Variants in LILRA1 observed in about 807,000 individuals in gnomAD.
LILRA1 encodes the protein leukocyte immunoglobulin-like receptor subfamily A member 1.
Under a neutral mutation model 51.6 loss-of-function variants are expected in LILRA1, and 51 were observed. That is an observed-to-expected ratio of 0.99 (90% confidence interval 0.79 to 1.25). The LOEUF (loss-of-function observed/expected upper bound fraction) is 1.25. Among genes scored for constraint, LILRA1 ranks in the 50% most tolerant of loss-of-function variants. LILRA1 has a pLI of 0.00. For missense variants in LILRA1, 660 were observed against 611.7 expected (o/e 1.08, Z -0.83); for synonymous variants, 305 against 248.4 (o/e 1.23, Z -2.14).
At chr19:54,594,136 T>C in intron 1 of LILRA1, 61 bp from the exon 2 acceptor site, 1 of 1,491,814 alleles carries the variant, frequency 6.7e-7, no homozygotes, top group South Asian at 1.2e-5. Flanking sequence ...AGCCTCCGAG[T>C]GTCCACACTG....
intron 5 of LILRA1, 86 bp from the exon 6 acceptor site, chr19:54,595,553 A>C: frequency 6.5e-7 from 1 of 1,548,898 alleles, no homozygotes; most frequent in Non-Finnish European, 8.7e-7. Flanking sequence ...CAGGAAGATC[A>C]GCAGTGGTGA....
chr19:54,594,469 G>T lies in LILRA1; in HGVS notation c.63G>T (p.Val21=). The change falls in exon 3 of 10, where the codon GTG becomes GTT. Residue 21 remains valine (V), a synonymous_variant. Transcript: ENST00000251372. ...TGAGTCTGGGCCCCCGGACCCACGTGCAGGCAGGTGAGTCTGTCCCCAGCT... is the reference window on the plus strand; with the variant it reads ...TGAGTCTGGGCCCCCGGACCCACGTTCAGGCAGGTGAGTCTGTCCCCAGCT... ...LRLSLGPRTH[V]QAGTLPKPTL... 6.2e-7 allele frequency: 1 copy of T among 1,614,130 alleles called. No homozygotes were observed. The highest frequency in any genetic ancestry group is 8.5e-7 in the Non-Finnish European group (1 of 1,180,020).
At chr19:54,598,150 T>C (rs368743562) in intron 7 of LILRA1, among the ~76,000 whole-genome samples, 2 of 152,002 alleles carry the variant, frequency 1.3e-5, no homozygotes, top group East Asian at 3.9e-4. Flanking sequence ...CTACACTGTA[T>C]TTTCTGTACG....
At chr19:54,594,611 T>C in intron 3 of LILRA1, 54 bp from the exon 4 acceptor site, 2 of 1,599,140 alleles carry the variant, frequency 1.3e-6, no homozygotes, top group Non-Finnish European at 1.7e-6. Flanking sequence ...GGCTGAGAGC[T>C]GAGATATGTT....
chr19:54,596,895 T>C (rs975377781), intron 7 of LILRA1, among the ~76,000 whole-genome samples: 18 of 141,100 alleles, frequency 1.3e-4, no homozygotes, highest in African/African-American at 4.5e-4. Flanking sequence ...AAGAGTGGAG[T>C]GAAGGGGGAA....
In LILRA1 at chr19:54,596,324, C is replaced by G. The variant is rs2063054823; in HGVS notation, c.1094C>G (p.Ala365Gly). 1.2e-6 allele frequency: 2 copies of G among 1,613,946 alleles called. No individual in the cohort carries two copies. The highest frequency in any genetic ancestry group is 1.7e-6 in the Non-Finnish European group (2 of 1,180,002). ...FLLTKAGAAD[A>G]PLRLRSIHEY... The stretch of plus-strand genomic sequence containing the variant: ...CTGACCAAGGCGGGAGCAGCTGATG[C>G]CCCCCTCCGTCTCAGATCAATACAC... Residue 365 changes from alanine to glycine, a missense_variant, in exon 7 of 10, where the codon GCC becomes GGC. Ala to Gly is a moderately conservative substitution (Grantham distance 60). Transcript: ENST00000251372.
chr19:54,600,369 A>T, intron 8 of LILRA1, 143 bp from the exon 9 acceptor site: 1 of 745,818 alleles, frequency 1.3e-6, no homozygotes, highest in Non-Finnish European at 2.3e-6. Context: ...TTCAATAAGG[A>T]CACTGGAGGG....
At position 54,600,934 on chromosome 19, in the gene LILRA1, T is replaced by C. The variant is rs1330605543; in HGVS notation, c.*117T>C. 1.8e-6 allele frequency: 2 copies of C among 1,088,186 alleles called. No homozygotes were observed. The highest frequency in any genetic ancestry group is 2.8e-6 in the Non-Finnish European group (2 of 712,542). 67.4% of individuals were successfully genotyped at this position (1,088,186 alleles called of 1,614,324 possible). A position where few individuals can be genotyped will look rare whatever the true frequency, so the allele number is the denominator to read the frequency against. On this transcript the variant is annotated 3_prime_UTR_variant, in exon 10 of 10. Coordinates refer to ENST00000251372, the MANE Select transcript of LILRA1 (RefSeq NM_006863.4). ...GGGAGACAATTTAGGGCTGATGCTA[T>C]CTGGACTGTCTGCCAATCATTTTTA...
In LILRA1 at chr19:54,595,274, C is replaced by G. The variant is rs2063012292; in HGVS notation, c.533C>G (p.Ser178Cys). 1 of 1,613,960 alleles carries G rather than the reference C, an allele frequency of 6.2e-7. No individual in the cohort carries two copies. The change falls in exon 5 of 10, where the codon TCC (serine) becomes TGC (cysteine). Residue 178 changes from serine (S) to cysteine (C), a missense_variant. Coordinates refer to ENST00000251372, the MANE Select transcript of LILRA1 (RefSeq NM_006863.4). ...LNSQPRTHGW[S>C]RAIFSVGPVS... ...TCACAGCCCCGTACCCATGGGTGGT[C>G]CCGGGCCATCTTCTCTGTGGGCCCC...
chr19:54,593,671 C>A lies in LILRA1; in HGVS notation c.-159C>A. 6.4e-6 allele frequency: 3 copies of A among 466,178 alleles called. No homozygotes were observed. The highest frequency in any genetic ancestry group is 4.6e-5 in the South Asian group (3 of 65,220). The allele number at this position is 466,178 out of a possible 1,614,324, so 28.9% of individuals were successfully genotyped here. A position where few individuals can be genotyped will look rare whatever the true frequency, so the allele number is the denominator to read the frequency against. On this transcript the variant is annotated 5_prime_UTR_variant, in exon 1 of 10. The change creates a new upstream start codon in the 5' untranslated region. Transcript: ENST00000251372. ...TGCTCACTGCCACACGCAGCTCAAC[C>A]TGAGCTACACAGCCAGATGCGAGAT...
chr19:54,600,979 G>C lies in LILRA1; in HGVS notation c.*162G>C, dbSNP rs1240911779. On this transcript the variant is annotated 3_prime_UTR_variant, in exon 10 of 10. Transcript: ENST00000251372. The stretch of plus-strand genomic sequence containing the variant: ...TTTTTAGAGGGAGGAATCAGTGTTG[G>C]ATTGCAGAGACATTTTCTGGAGTGA... 1 of 766,150 alleles carries C rather than the reference G, an allele frequency of 1.3e-6. No homozygotes were observed. The highest frequency in any genetic ancestry group is 2.3e-5 in the Admixed American group (1 of 43,266). The allele number at this position is 766,150 out of a possible 1,614,324, so 47.5% of individuals were successfully genotyped here.
Position 54,595,759 on chromosome 19 carries a change from G to C in LILRA1, c.782G>C (p.Gly261Ala). 6.2e-7 allele frequency: 1 copy of C among 1,614,132 alleles called. No homozygotes were observed. Among genetic ancestry groups the C allele is most frequent in the East Asian group, 2.2e-5 (1 of 44,872 alleles). The change falls in exon 6 of 10, where the codon GGA becomes GCA. Residue 261 changes from glycine (G) to alanine (A), a missense_variant. Gly to Ala is a moderately conservative substitution (Grantham distance 60). Transcript: ENST00000251372. ...SYDRFVLYKE[G>A]ERDFLQLPGP... ...GACAGATTTGTTCTGTATAAGGAGG[G>C]AGAACGTGACTTCCTCCAGCTCCCT... is the stretch of plus-strand genomic sequence containing the variant.
Position 54,595,874 on chromosome 19 carries a change from T to C in LILRA1, c.897T>C (p.Gly299=), listed in dbSNP as rs760058545. The change falls in exon 6 of 10, where the codon GGT becomes GGC. Residue 299 remains glycine (G), a synonymous_variant. Transcript: ENST00000251372. ...RSYGGQYRCS[G]AYNLSSEWSA... is the part of the protein sequence containing the mutation. ...ACGGGGGCCAGTACAGATGCTCCGG[T>C]GCATACAACCTCTCCTCCGAGTGGT... 1.9e-6 allele frequency: 3 copies of C among 1,614,018 alleles called. No homozygotes were observed. Among genetic ancestry groups the C allele is most frequent in the Non-Finnish European group, 2.5e-6 (3 of 1,179,974 alleles).
In LILRA1 at chr19:54,596,428, T is replaced by C; in HGVS notation, c.1198T>C (p.Ser400Pro). 1 of 1,614,120 alleles carries C rather than the reference T, an allele frequency of 6.2e-7. No homozygotes were observed. The highest frequency in any genetic ancestry group is 2.2e-5 in the East Asian group (1 of 44,864). Residue 400 changes from serine (S) to proline (P), a missense_variant, in exon 7 of 10, where the codon TCA becomes CCA. Coordinates refer to ENST00000251372, the MANE Select transcript of LILRA1 (RefSeq NM_006863.4). ...AHSGTYRCYG[S>P]LSSNPYLLSH... ...CTCGGGGACCTACAGGTGCTACGGC[T>C]CACTCAGCTCCAACCCCTACCTGCT...
In LILRA1 at chr19:54,595,258, C is replaced by T. The variant is rs199861743; in HGVS notation, c.517C>T (p.Arg173Cys). Residue 173 changes from arginine (R) to cysteine (C), a missense_variant, in exon 5 of 10, where the codon CGT becomes TGT. Coordinates refer to ENST00000251372, the MANE Select transcript of LILRA1 (RefSeq NM_006863.4). ...EHPQCLNSQP[R>C]THGWSRAIFS... ...CCCACAATGCCTGAACTCACAGCCC[C>T]GTACCCATGGGTGGTCCCGGGCCAT... 8.2e-5 allele frequency: 132 copies of T among 1,614,072 alleles called. No individual in the cohort carries two copies. The highest frequency in any genetic ancestry group is 7.8e-4 in the Admixed American group (47 of 60,016).
Position 54,594,237 on chromosome 19 carries a change from G to A in LILRA1, c.-8G>A. ...CATCCGCAGAGCAGGGCAGTGGGAG[G>A]AGACGCTATGACCCCCATCGTCACA... On this transcript the variant is annotated 5_prime_UTR_variant, in exon 2 of 10. Coordinates refer to ENST00000251372, the MANE Select transcript of LILRA1 (RefSeq NM_006863.4). 1 of 1,613,094 alleles carries A rather than the reference G, an allele frequency of 6.2e-7. No homozygotes were observed. The highest frequency in any genetic ancestry group is 1.3e-5 in the African/African-American group (1 of 74,824).
Position 54,594,735 on chromosome 19 carries a change from C to T in LILRA1, c.141C>T (p.Leu47=), listed in dbSNP as rs747684580. Residue 47 remains leucine, a synonymous_variant, in exon 4 of 10, where the codon CTC becomes CTT. Transcript: ENST00000251372. ...TCACCCAGGGGAGTCCCGTGACCCT[C>T]TGGTGTCAGGGGATCCTGGAGACCC... is the stretch of plus-strand genomic sequence containing the variant. ...SVITQGSPVT[L]WCQGILETQE... 3.1e-6 allele frequency: 5 copies of T among 1,613,972 alleles called. No homozygotes were observed. The Admixed American group carries it at 6.7e-5, about 22-fold the overall frequency.
rs1299868584 is a variant in LILRA1 at position 54,601,557 on chromosome 19, C to T, written c.*740C>T. On this transcript the variant is annotated 3_prime_UTR_variant, in exon 10 of 10. Transcript: ENST00000251372. ...CTATTCTGTCTGAAAACATTTCAAT[C>T]TCCTTTGACCTGTGAGCTCCTCACT... 6.6e-6 allele frequency: 1 copy of T among 152,304 alleles called. No individual in the cohort carries two copies. The highest frequency in any genetic ancestry group is 1.5e-5 in the Non-Finnish European group (1 of 68,096). 9.4% of individuals were successfully genotyped at this position (152,304 alleles called of 1,614,324 possible).
chr19:54,594,943 G>T lies in LILRA1; in HGVS notation c.349G>T (p.Val117Leu), dbSNP rs1361562599. ...AGAGCCCAGTGACCCCCTGGAGCTG[G>T]TGGTGACAGGTGAGCTGACACTGAG... ...WSEPSDPLEL[V>L]VTGAYIKPTL... The change falls in exon 4 of 10, where the codon GTG (valine) becomes TTG (leucine). Residue 117 changes from valine (V) to leucine (L), a missense_variant. Transcript: ENST00000251372. 7 of 1,613,940 alleles carry T rather than the reference G, an allele frequency of 4.3e-6. No individual in the cohort carries two copies.
Sources: allele counts gnomAD v4.1 joint callset (sites outside exome capture counted in the v4.1 genomes callset), GRCh38; gene constraint gnomAD v4.1.1; transcripts MANE v1.5; gene names NCBI Gene and HGNC (gene_info 2026-07-23, HGNC 2026-07-21).